Variants in ZNF442 observed in about 807,000 individuals in gnomAD.
ZNF442 encodes zinc finger protein 442.
Under a neutral mutation model 57.0 loss-of-function variants are expected in ZNF442, and 45 were observed. That is an observed-to-expected ratio of 0.79 (90% CI 0.62 to 1.01). The LOEUF is 1.01. Among genes scored for constraint, ZNF442 ranks in the 50% least tolerant of loss-of-function variants. The probability of loss-of-function intolerance (pLI) is 0.00; values close to 1 mark genes in which losing one functional copy is unlikely to be tolerated. For missense variants in ZNF442, 690 were observed against 756.5 expected, an observed-to-expected ratio of 0.91 and a Z score of 1.03; for synonymous variants, 213 against 241.8, an observed-to-expected ratio of 0.88 and a Z score of 1.10.
rs1599587883 is a variant in ZNF442, at chr19:12,352,166, C to T, written c.206-96G>A. On this transcript the variant is annotated intron_variant, in intron 4 of 5. Coordinates refer to ENST00000242804, the MANE Select transcript of ZNF442 (RefSeq NM_030824.3). ...ACAATGGAATCATGCATGATTCATT[C>T]ACTGAATTGTAGCTGACTCTTGAAC... The T allele has an allele frequency of 6.0e-6, 7 of 1,166,448 alleles. No individual in the cohort carries two copies. In the East Asian group the frequency reaches 1.7e-4, roughly 28 times the overall value. 72.3% of individuals were successfully genotyped at this position (1,166,448 alleles called of 1,614,324 possible).
intron 2 of ZNF442, among the ~76,000 whole-genome samples, 198 bp downstream of exon 2, chr19:12,364,604 C>A (rs1331947360): frequency 6.6e-6 from 1 of 151,874 alleles, no homozygotes; most frequent in Non-Finnish European, 1.5e-5. Flanking sequence ...TACTACCACC[C>A]CTAGGAGGAG....
chr19:12,364,299 C>T (rs900059558), intron 2 of ZNF442, among the ~76,000 whole-genome samples: 4 of 150,462 alleles, frequency 2.7e-5, no homozygotes, highest in African/African-American at 9.8e-5. Context: ...TCCAGCTACT[C>T]GGGAGGGTGA....
intron 5 of ZNF442, 139 bp from the exon 6 acceptor site, chr19:12,351,457 T>A: frequency 1.3e-6 from 1 of 764,634 alleles, no homozygotes; most frequent in Non-Finnish European, 2.0e-6. Context: ...ATGGACTGAA[T>A]GTTGTACAAG....
chr19:12,370,846 G>A (rs145604751), upstream of ZNF442, among the ~76,000 whole-genome samples: 798 of 151,712 alleles, frequency 5.3e-3, 11 homozygotes, highest in Non-Finnish European at 4.5e-3. Flanking sequence ...GGTGGTGGGC[G>A]CCTGTAATCC....
chr19:12,346,194 AT>A lies in ZNF442; in HGVS notation c.*3506del, dbSNP rs1568483465. 6.6e-6 allele frequency: 1 copy of A among 152,140 alleles called. No individual in the cohort carries two copies. Among genetic ancestry groups the A allele is most frequent in the Non-Finnish European group, 1.5e-5 (1 of 68,028 alleles). 9.4% of individuals were successfully genotyped at this position (152,140 alleles called of 1,614,324 possible). On this transcript the variant is annotated 3_prime_UTR_variant, in exon 6 of 6. Coordinates refer to ENST00000242804, the MANE Select transcript of ZNF442 (RefSeq NM_030824.3). Reference sequence around the variant, plus strand: ...ACTTGGGAGCTGAAAAAAGAAAGAAATTTTCTAAATATTAAAAACTAAAAAT... The same window carrying A: ...ACTTGGGAGCTGAAAAAAGAAAGAAATTTCTAAATATTAAAAACTAAAAAT...
At chr19:12,360,329 C>A (rs1488779109) in intron 3 of ZNF442, among the ~76,000 whole-genome samples, 1 of 152,188 alleles carries the variant, frequency 6.6e-6, no homozygotes, top group Non-Finnish European at 1.5e-5. Flanking sequence ...ACCCCAACTG[C>A]CCCAGCTTTC....
chr19:12,361,387 T>C (rs1384661526), intron 3 of ZNF442, among the ~76,000 whole-genome samples: 1 of 152,152 alleles, frequency 6.6e-6, no homozygotes, highest in Non-Finnish European at 1.5e-5. Flanking sequence ...ATAATAGGAA[T>C]AGAACAGTTA....
At chr19:12,362,500 G>C (rs149262422) in intron 3 of ZNF442, among the ~76,000 whole-genome samples, 7,044 of 151,838 alleles carry the variant, frequency 0.046, 533 homozygotes, top group African/African-American at 0.16. Context: ...CCCCGTCTGG[G>C]AAGTGAGGAA....
chr19:12,355,448 G>A (rs1407637372), intron 3 of ZNF442, among the ~76,000 whole-genome samples: 2 of 144,660 alleles, frequency 1.4e-5, no homozygotes, highest in African/African-American at 2.5e-5. Flanking sequence ...CACAACCTCC[G>A]CCTCCTGGGC....
In ZNF442 at chr19:12,362,275, G is replaced by A. The variant is rs564737076; in HGVS notation, c.78+1279C>T. The stretch of plus-strand genomic sequence containing the variant: ...GCCGTCATCCCGTCTAGGAAGTGAG[G>A]AGCATCTCTGCCCAGCTGCCCATCG... On this transcript the variant is annotated intron_variant, in intron 3 of 5. Coordinates refer to ENST00000242804, the MANE Select transcript of ZNF442 (RefSeq NM_030824.3). Among the ~76,000 whole-genome samples the A allele has an allele frequency of 8.5e-5, 13 of 152,052 alleles. No individual in the cohort carries two copies. The East Asian group carries it at 2.5e-3, about 30-fold the overall frequency.
intron 3 of ZNF442, among the ~76,000 whole-genome samples, chr19:12,356,661 G>A (rs985219638): frequency 6.0e-5 from 9 of 151,154 alleles, no homozygotes; most frequent in Admixed American, 5.9e-4. Flanking sequence ...ACAAGGCAAG[G>A]CAATAATATC....
At position 12,351,304 on chromosome 19, in the gene ZNF442, TC is replaced by T; in HGVS notation, c.280del (p.Glu94ArgfsTer13). ...TGGCTGGCGACTTTCACTAAATCTC[TC>T]TATGATATGACATCTGTAAAACATG... ...PRRSLRCHII[E>X]RFSESRQPDS... On this transcript the variant is annotated frameshift_variant, in exon 6 of 6. Coordinates refer to ENST00000242804, the MANE Select transcript of ZNF442 (RefSeq NM_030824.3). LOFTEE classifies it high-confidence loss of function. The T allele has an allele frequency of 1.9e-6, 3 of 1,612,334 alleles. No homozygotes were observed. The highest frequency in any genetic ancestry group is 2.5e-6 in the Non-Finnish European group (3 of 1,178,802).
upstream of ZNF442, chr19:12,365,769 C>A (rs183772593): frequency 4.0e-5 from 7 of 176,654 alleles, no homozygotes; most frequent in Non-Finnish European, 8.4e-5. Flanking sequence ...ATTCCGCCCC[C>A]CCAGGGAACT....
intron 3 of ZNF442, among the ~76,000 whole-genome samples, chr19:12,355,550 G>A (rs972380497): frequency 3.3e-5 from 5 of 150,412 alleles, no homozygotes; most frequent in African/African-American, 1.2e-4. Context: ...TAGTAGAGAT[G>A]GGGTTTCACC....
At chr19:12,367,119 G>A (rs190066335), upstream of ZNF442, among the ~76,000 whole-genome samples, 18 of 152,244 alleles carry the variant, frequency 1.2e-4, no homozygotes, top group African/African-American at 4.3e-4. Flanking sequence ...GACTACTATC[G>A]GGGAAACCAG....
In ZNF442 at chr19:12,362,667, G is replaced by A. The variant is rs1304385892; in HGVS notation, c.78+887C>T. On this transcript the variant is annotated intron_variant, in intron 3 of 5. Transcript: ENST00000242804. ...TCTGCCCGGCCGCCCCGTCTGGGAG[G>A]TGGGGGGCCCCTCTGCCCGGCCGCC... Among the ~76,000 whole-genome samples, 3 of 138,198 alleles carry A rather than the reference G, an allele frequency of 2.2e-5. No homozygotes were observed. The East Asian group carries it at 5.9e-4, about 27-fold the overall frequency. 90.7% of individuals were successfully genotyped at this position (138,198 alleles called of 152,430 possible). A position where few individuals can be genotyped will look rare whatever the true frequency, so the allele number is the denominator to read the frequency against.
At chr19:12,360,292 A>G (rs1315350049) in intron 3 of ZNF442, among the ~76,000 whole-genome samples, 1 of 152,196 alleles carries the variant, frequency 6.6e-6, no homozygotes, top group African/African-American at 2.4e-5. Context: ...CCACAACAGT[A>G]ACAAATACAA....
rs747227524 is a variant in ZNF442, at chr19:12,363,673, T to C, written c.-40-2A>G. The C allele has an allele frequency of 6.3e-7, 1 of 1,574,964 alleles. No homozygotes were observed. Among genetic ancestry groups the C allele is most frequent in the East Asian group, 2.2e-5 (1 of 44,678 alleles). On this transcript the variant is annotated splice_acceptor_variant, in intron 2 of 5. Coordinates refer to ENST00000242804, the MANE Select transcript of ZNF442 (RefSeq NM_030824.3). LOFTEE classifies it low-confidence loss of function (5UTR_SPLICE). Reference sequence around the variant, plus strand: ...CCGTGTGTCCCCAAGGAATGGAAACTGGGGTTGGGGAAGAACAAGGTGATT... The same window carrying C: ...CCGTGTGTCCCCAAGGAATGGAAACCGGGGTTGGGGAAGAACAAGGTGATT...
At chr19:12,369,408 C>T (rs939489383), upstream of ZNF442, among the ~76,000 whole-genome samples, 8 of 151,354 alleles carry the variant, frequency 5.3e-5, no homozygotes, top group South Asian at 2.1e-4. Flanking sequence ...CACCTGAGGT[C>T]GGGAGTTTGA....
Sources: allele counts gnomAD v4.1 joint callset (sites outside exome capture counted in the v4.1 genomes callset), GRCh38; gene constraint gnomAD v4.1.1; transcripts MANE v1.5; gene names NCBI Gene and HGNC (gene_info 2026-07-23, HGNC 2026-07-21).